The following SNTG1 variants were observed in gnomAD, a reference collection of about 807,000 sequenced individuals.
SNTG1 encodes syntrophin gamma 1.
A neutral mutation model predicts 74.7 loss-of-function variants in SNTG1; 39 were observed. The observed-to-expected ratio is 0.52, with a 90% CI of 0.40 to 0.68. The LOEUF (loss-of-function observed/expected upper bound fraction) is 0.68. Ranked by LOEUF, SNTG1 falls within the 30% of genes least tolerant of loss-of-function variation. SNTG1 has a pLI of 0.00. For synonymous variants in SNTG1, 254 were observed against 217.1 expected, an observed-to-expected ratio of 1.17 and a Z score of -1.49; for missense variants, 685 against 609.5, an observed-to-expected ratio of 1.12 and a Z score of -1.30.
At chr8:50,601,098 C>CA (rs907874359) in intron 13 of SNTG1, among the ~76,000 whole-genome samples, 1 of 116,732 alleles carries the variant, frequency 8.6e-6, no homozygotes, top group African/African-American at 3.2e-5. Context: ...GTGGAGGTTT[C>CA]AGTGAGCCGA....
chr8:50,780,689 G>C (rs112680731), intron 18 of SNTG1, among the ~76,000 whole-genome samples: 5,435 of 152,018 alleles, frequency 0.036, 328 homozygotes, highest in African/African-American at 0.13. Flanking sequence ...AGGCTTTTTT[G>C]TGTCTCTATT....
At chr8:50,644,861 C>A (rs2095097247) in intron 13 of SNTG1, among the ~76,000 whole-genome samples, 1 of 151,430 alleles carries the variant, frequency 6.6e-6, no homozygotes, top group Non-Finnish European at 1.5e-5. Flanking sequence ...TACTCTCTTG[C>A]CTTTTGTAGG....
At chr8:50,112,609 A>G (rs1473768139) in intron 1 of SNTG1, among the ~76,000 whole-genome samples, 4 of 130,668 alleles carry the variant, frequency 3.1e-5, no homozygotes, top group Non-Finnish European at 3.0e-5. Flanking sequence ...TGCAACCTCT[A>G]TCTCCCAGGT....
At chr8:50,023,745 T>TC in intron 1 of SNTG1, among the ~76,000 whole-genome samples, 1 of 152,266 alleles carries the variant, frequency 6.6e-6, no homozygotes, top group Non-Finnish European at 1.5e-5. Flanking sequence ...TTCCCTTTTT[T>TC]CCAATATATT....
At chr8:50,601,143 C>T (rs1244619210) in intron 13 of SNTG1, among the ~76,000 whole-genome samples, 2 of 83,390 alleles carry the variant, frequency 2.4e-5, no homozygotes, top group Admixed American at 4.2e-4. Context: ...GGTGACAGAG[C>T]CAGCGAGACA....
At chr8:50,704,113 G>A (rs988189542) in intron 15 of SNTG1, among the ~76,000 whole-genome samples, 2 of 150,838 alleles carry the variant, frequency 1.3e-5, no homozygotes, top group Non-Finnish European at 1.5e-5. Context: ...TAAATAATGC[G>A]TTTTTTTTTA....
chr8:50,506,152 T>C (rs2094004571), intron 9 of SNTG1, among the ~76,000 whole-genome samples: 1 of 152,104 alleles, frequency 6.6e-6, no homozygotes, highest in South Asian at 2.1e-4. Context: ...TTTAAAATAA[T>C]TTCATCACAT....
intron 2 of SNTG1, among the ~76,000 whole-genome samples, chr8:50,305,059 C>T (rs1300001423): frequency 1.3e-5 from 2 of 151,946 alleles, no homozygotes; most frequent in Non-Finnish European, 2.9e-5. Flanking sequence ...CGGACCACTA[C>T]AGCTGGCTAA....
Position 50,661,723 on chromosome 8 carries a change from C to T in SNTG1, c.1038+3060C>T, listed in dbSNP as rs142372179. The stretch of plus-strand genomic sequence containing the variant: ...CCTTGCCCCCAACCTCCCAACAGGC[C>T]CTGGTGTGTGATGTTCTACTTGGGA... On this transcript the variant is annotated intron_variant, in intron 15 of 18. Transcript: ENST00000642720. 2.9e-3 allele frequency among the ~76,000 whole-genome samples: 447 copies of T among 152,142 alleles called. 3 individuals carry two copies. The highest frequency in any genetic ancestry group is 0.01 in the African/African-American group (432 of 41,518).
chr8:50,388,020 A>C (rs918348770), intron 2 of SNTG1, among the ~76,000 whole-genome samples: 3 of 152,190 alleles, frequency 2.0e-5, no homozygotes, highest in Admixed American at 6.5e-5. Context: ...TTAACAGAAG[A>C]AACTTTGCTA....
chr8:50,003,822 G>T (rs531970236), intron 1 of SNTG1, among the ~76,000 whole-genome samples: 5 of 152,204 alleles, frequency 3.3e-5, no homozygotes, highest in African/African-American at 1.2e-4. Context: ...TTGCTCACTT[G>T]GCATGATCAG....
chr8:50,395,506 G>GGTTTTGTTTTT (rs58030144), intron 3 of SNTG1, among the ~76,000 whole-genome samples: 1 of 135,656 alleles, frequency 7.4e-6, no homozygotes, highest in African/African-American at 2.7e-5. Context: ...TCTAATTTCT[G>GGTTTTGTTTTT]TTTTTTTTTT....
intron 2 of SNTG1, among the ~76,000 whole-genome samples, chr8:50,215,758 A>G (rs552493051): frequency 1.3e-4 from 20 of 152,182 alleles, no homozygotes; most frequent in African/African-American, 4.6e-4. Flanking sequence ...ATCACTTTCA[A>G]ACTTTCTAGA....
At chr8:50,114,998 A>AT (rs1350821906) in intron 1 of SNTG1, among the ~76,000 whole-genome samples, 2 of 152,192 alleles carry the variant, frequency 1.3e-5, no homozygotes, top group East Asian at 3.8e-4. Flanking sequence ...GACACCTTGA[A>AT]TATATATGAC....
Position 50,778,991 on chromosome 8 carries a change from T to A in SNTG1, c.1396-13680T>A, listed in dbSNP as rs775456847. Among the ~76,000 whole-genome samples, 41 of 152,298 alleles carry A rather than the reference T, an allele frequency of 2.7e-4. 2 individuals are homozygous for A. The highest frequency in any genetic ancestry group is 6.8e-3 in the Middle Eastern group (2 of 294). ...TCCCCATTGCCTGTTTTTCTCAGGT[T>A]TGTCAAAGATCAGATAGTTGTAGAT... On this transcript the variant is annotated intron_variant, in intron 18 of 18. Coordinates refer to ENST00000642720, the MANE Select transcript of SNTG1 (RefSeq NM_018967.5).
At chr8:50,453,415 G>T (rs1016375088) in intron 8 of SNTG1, among the ~76,000 whole-genome samples, 2 of 152,150 alleles carry the variant, frequency 1.3e-5, no homozygotes, top group African/African-American at 4.8e-5. Flanking sequence ...CTGGAAGATT[G>T]TTAAGGAAGA....
At chr8:50,199,442 T>C (rs972067237) in intron 2 of SNTG1, among the ~76,000 whole-genome samples, 1 of 152,092 alleles carries the variant, frequency 6.6e-6, no homozygotes, top group Non-Finnish European at 1.5e-5. Flanking sequence ...GGTCTCGAAC[T>C]CTTGACCTCA....
At chr8:50,337,260 C>T (rs2091172287) in intron 2 of SNTG1, among the ~76,000 whole-genome samples, 1 of 152,152 alleles carries the variant, frequency 6.6e-6, no homozygotes, top group Admixed American at 6.5e-5. Context: ...TACAGGGAAC[C>T]ACAGCTTACT....
chr8:49,973,166 A>G lies in SNTG1; in HGVS notation c.-103+60935A>G, dbSNP rs1811864164. Among the ~76,000 whole-genome samples the G allele has an allele frequency of 4.6e-5, 7 of 152,202 alleles. No homozygotes were observed. In the South Asian group the frequency reaches 1.0e-3, roughly 22 times the overall value. On this transcript the variant is annotated intron_variant, in intron 1 of 18. Coordinates refer to ENST00000642720, the MANE Select transcript of SNTG1 (RefSeq NM_018967.5). The stretch of plus-strand genomic sequence containing the variant: ...TAAGAAAATGTGGCACATATACACC[A>G]TGGAATACTATGCAGCCATAAAAAA...
Sources: allele counts gnomAD v4.1 joint callset (sites outside exome capture counted in the v4.1 genomes callset), GRCh38; gene constraint gnomAD v4.1.1; transcripts MANE v1.5; gene names NCBI Gene and HGNC (gene_info 2026-07-23, HGNC 2026-07-21).